The following KLHL4 variants were observed in gnomAD, a reference collection of about 807,000 sequenced individuals.
KLHL4 encodes the protein kelch-like protein 4.
A neutral mutation model predicts 45.8 loss-of-function variants in KLHL4; 17 were observed. That is an observed-to-expected ratio of 0.37 (90% CI 0.25 to 0.56). The LOEUF is 0.56. Among genes scored for constraint, KLHL4 ranks in the 20% least tolerant of loss-of-function variants. The pLI, the probability that KLHL4 is intolerant of heterozygous loss-of-function variation, is 0.79. For synonymous variants in KLHL4, 224 were observed against 189.9 expected, an observed-to-expected ratio of 1.18 and a Z score of -1.47; for missense variants, 544 against 544.9, an observed-to-expected ratio of 1.00 and a Z score of 0.02.
At chrX:87,549,093 A>G (rs1006603677) in intron 1 of KLHL4, among the ~76,000 whole-genome samples, 3 of 110,759 alleles carry the variant, frequency 2.7e-5, no homozygotes, top group African/African-American at 6.5e-5. Flanking sequence ...TCCCATGCCA[A>G]TGGAAACTAA....
At chrX:87,649,606 T>G (rs1923742329) in intron 9 of KLHL4, among the ~76,000 whole-genome samples, 1 of 112,053 alleles carries the variant, frequency 8.9e-6, no homozygotes, top group African/African-American at 3.2e-5. Context: ...TACAAGTTCA[T>G]CAAGCTTTTT....
chrX:87,550,823 T>C (rs1292142475), intron 1 of KLHL4, among the ~76,000 whole-genome samples: 3 of 111,368 alleles, frequency 2.7e-5, no homozygotes, highest in African/African-American at 9.8e-5. Context: ...TGATTCAAAC[T>C]CTCAGTAAAA....
intron 2 of KLHL4, 147 bp from the exon 3 acceptor site, chrX:87,614,287 T>C (rs1922481291): frequency 1.3e-5 from 8 of 598,355 alleles, no homozygotes; most frequent in Middle Eastern, 4.6e-4. Context: ...GTATTTGACC[T>C]TTCTAACTTC....
intron 1 of KLHL4, among the ~76,000 whole-genome samples, chrX:87,562,020 G>A (rs1932109591): frequency 9.1e-6 from 1 of 109,466 alleles, no homozygotes; most frequent in African/African-American, 3.3e-5. Context: ...ATCACCATAG[G>A]ACTTGGATGA....
chrX:87,523,384 A>G (rs1931041106), intron 1 of KLHL4, among the ~76,000 whole-genome samples: 1 of 111,875 alleles, frequency 8.9e-6, no homozygotes, highest in African/African-American at 3.2e-5. Context: ...AGGAGAAAGA[A>G]AAACCGAAAT....
At chrX:87,658,957 A>G (rs1043218254) in intron 9 of KLHL4, among the ~76,000 whole-genome samples, 1 of 109,969 alleles carries the variant, frequency 9.1e-6, no homozygotes, top group African/African-American at 3.3e-5. Context: ...ATGTGTCTTG[A>G]TATGGTTTTT....
intron 1 of KLHL4, among the ~76,000 whole-genome samples, chrX:87,551,580 T>C (rs1931820711): frequency 9.3e-6 from 1 of 107,788 alleles, no homozygotes; most frequent in African/African-American, 3.4e-5. Flanking sequence ...GATAGATAAA[T>C]AGATAGGTAG....
At position 87,633,856 on chromosome X, in the gene KLHL4, G is replaced by C. The variant is rs755871530; in HGVS notation, c.1657G>C (p.Val553Leu). 8.3e-7 allele frequency: 1 copy of C among 1,207,095 alleles called. No homozygotes were observed. Among genetic ancestry groups the C allele is most frequent in the Admixed American group, 2.2e-5 (1 of 45,417 alleles). ...CCCTGAGGGACGACAGTGGAATTAC[G>C]TAGCCAGTATGTCAACTCCTAGAAG... ...WDPEGRQWNY[V>L]ASMSTPRSTV... The change falls in exon 8 of 11, where the codon GTA (valine) becomes CTA (leucine). Residue 553 changes from valine (V) to leucine (L), a missense_variant. Physicochemically the swap from Val to Leu is conservative, Grantham distance 32. Transcript: ENST00000373119.
intron 1 of KLHL4, among the ~76,000 whole-genome samples, chrX:87,546,771 C>A (rs1478602228): frequency 8.9e-6 from 1 of 112,662 alleles, no homozygotes; most frequent in African/African-American, 3.2e-5. Flanking sequence ...TGGGAGCCCA[C>A]CCTTTGCATC....
intron 1 of KLHL4, among the ~76,000 whole-genome samples, chrX:87,603,531 C>T (rs941277638): frequency 4.5e-5 from 5 of 110,489 alleles, no homozygotes; most frequent in African/African-American, 1.6e-4. Context: ...AGTTTTTCAT[C>T]ATCAAACAAC....
intron 9 of KLHL4, among the ~76,000 whole-genome samples, chrX:87,662,834 G>T (rs1008142762): frequency 1.7e-4 from 18 of 108,155 alleles, no homozygotes; most frequent in Admixed American, 9.9e-5. Flanking sequence ...GGAGGCTGAG[G>T]CAGGAGAATG....
chrX:87,593,496 T>C (rs1047527306), intron 1 of KLHL4, among the ~76,000 whole-genome samples: 2 of 111,932 alleles, frequency 1.8e-5, no homozygotes, highest in Non-Finnish European at 3.8e-5. Flanking sequence ...AAAATTGTAG[T>C]TATTGTACTT....
chrX:87,632,280 T>C lies in KLHL4; in HGVS notation c.1395T>C (p.Arg465=). ...SWLHIGTMNG[R]RLQFGVAVID... is the part of the protein sequence containing the mutation. ...TACATATTGGCACCATGAATGGCCGTAGGCTTCAATTTGGAGTCGCAGTTA... is the reference window on the plus strand; with the variant it reads ...TACATATTGGCACCATGAATGGCCGCAGGCTTCAATTTGGAGTCGCAGTTA... Residue 465 remains arginine, a synonymous_variant, in exon 7 of 11, where the codon CGT becomes CGC. Coordinates refer to ENST00000373119, the MANE Select transcript of KLHL4 (RefSeq NM_019117.5). The C allele has an allele frequency of 8.3e-7, 1 of 1,209,624 alleles. No homozygotes were observed. The highest frequency in any genetic ancestry group is 1.1e-6 in the Non-Finnish European group (1 of 893,670).
chrX:87,636,436 T>C (rs769494510), intron 9 of KLHL4, among the ~76,000 whole-genome samples: 4 of 111,712 alleles, frequency 3.6e-5, no homozygotes, highest in African/African-American at 1.3e-4. Flanking sequence ...ACTTTTGCTC[T>C]AAGAACTACC....
chrX:87,572,796 A>AT (rs1178596294), intron 1 of KLHL4, among the ~76,000 whole-genome samples: 2 of 95,853 alleles, frequency 2.1e-5, no homozygotes, highest in Admixed American at 1.2e-4. Context: ...AAGTATAATA[A>AT]AAAAAAAAAA....
intron 4 of KLHL4, among the ~76,000 whole-genome samples, chrX:87,621,339 T>C (rs968700858): frequency 9.0e-6 from 1 of 111,028 alleles, no homozygotes; most frequent in Non-Finnish European, 1.9e-5. Context: ...GATCATTCTG[T>C]TGTCAAAGAA....
chrX:87,605,947 G>T (rs985763999), intron 1 of KLHL4, among the ~76,000 whole-genome samples: 14 of 110,909 alleles, frequency 1.3e-4, no homozygotes, highest in Non-Finnish European at 2.7e-4. Flanking sequence ...ATGAAGCCTT[G>T]TTAAATCTTA....
intron 1 of KLHL4, among the ~76,000 whole-genome samples, chrX:87,573,042 C>A (rs1330957929): frequency 8.9e-6 from 1 of 111,797 alleles, no homozygotes; most frequent in African/African-American, 3.2e-5. Flanking sequence ...ATATTTGAAT[C>A]ATAAATTCAG....
Position 87,666,681 on chromosome X carries a change from TG to T in KLHL4, c.*148del. The T allele has an allele frequency of 2.0e-6, 2 of 991,330 alleles. No homozygotes were observed. Among genetic ancestry groups the T allele is most frequent in the Non-Finnish European group, 2.5e-6 (2 of 784,857 alleles). 81.7% of individuals were successfully genotyped at this position (991,330 alleles called of 1,213,427 possible). On this transcript the variant is annotated 3_prime_UTR_variant, in exon 11 of 11. Transcript: ENST00000373119. The stretch of plus-strand genomic sequence containing the variant: ...TATCATTTTAATTTGTAGTTACAAT[TG>T]CTTTCATTCGTGAAGCCGAAACGTT...
Sources: allele counts gnomAD v4.1 joint callset (sites outside exome capture counted in the v4.1 genomes callset), GRCh38; gene constraint gnomAD v4.1.1; transcripts MANE v1.5; gene names NCBI Gene and HGNC (gene_info 2026-07-23, HGNC 2026-07-21).